TGIF1: variants seen among roughly 807,000 people sequenced by gnomAD.
TGIF1 encodes TGFB induced factor homeobox 1.
TGIF1 carries 4 observed loss-of-function variants against 19.3 expected under a neutral mutation model. That is an observed-to-expected ratio of 0.21 (90% CI 0.10 to 0.47). The LOEUF (loss-of-function observed/expected upper bound fraction) is 0.47, where lower values mean the gene tolerates loss of function less well. Ranked by LOEUF, TGIF1 falls within the 20% of genes least tolerant of loss-of-function variation. The pLI is 0.98. For synonymous variants in TGIF1, 122 were observed against 129.3 expected (o/e 0.94, Z 0.38); for missense variants, 275 against 341.4 (o/e 0.81, Z 1.53).
At chr18:3,416,377 G>C (rs1437799396) in intron 1 of TGIF1, among the ~76,000 whole-genome samples, 7 of 152,036 alleles carry the variant, frequency 4.6e-5, no homozygotes. Context: ...AAATCAGCAG[G>C]GTGTTATGGC....
At position 3,452,282 on chromosome 18, in the gene TGIF1, G is replaced by A; in HGVS notation, c.16+1777G>A. ...CCCTCTCCCCGGAGCTGGGGACCAA[G>A]GCTGGGCCCCGCCGGCCGCATCGGT... On this transcript the variant is annotated intron_variant, in intron 1 of 2. Transcript: ENST00000343820. 4.3e-6 allele frequency: 7 copies of A among 1,610,954 alleles called. No individual in the cohort carries two copies. The Admixed American group carries it at 1.2e-4, about 27-fold the overall frequency.
intron 2 of TGIF1, among the ~76,000 whole-genome samples, chr18:3,421,300 CTA>C (rs1237768566): frequency 6.8e-6 from 1 of 148,060 alleles, no homozygotes; most frequent in Non-Finnish European, 1.5e-5. Flanking sequence ...TCTTACTATA[CTA>C]TATATATACA....
chr18:3,449,734 C>T, upstream of TGIF1: 1 of 985,498 alleles, frequency 1.0e-6, no homozygotes, highest in Non-Finnish European at 1.2e-6. Flanking sequence ...GCGGCTAGAG[C>T]AGGGCCAGTA....
At chr18:3,450,627 G>A in intron 1 of TGIF1, 122 bp downstream of exon 1, 1 of 1,533,676 alleles carries the variant, frequency 6.5e-7, no homozygotes, top group South Asian at 1.2e-5. Context: ...TGCTGGAGTG[G>A]CGGCCGTGCT....
rs1221785461 is a variant in TGIF1, at chr18:3,457,963, C to T, written c.*23C>T. 6.3e-7 allele frequency: 1 copy of T among 1,593,660 alleles called. No individual in the cohort carries two copies. Among genetic ancestry groups the T allele is most frequent in the Non-Finnish European group, 8.5e-7 (1 of 1,174,476 alleles). ...TAACCCATTTTCAAGCAAAACAGTT[C>T]TCAGAAATGTCATGATTGCCGGGGT... is the stretch of plus-strand genomic sequence containing the variant. On this transcript the variant is annotated 3_prime_UTR_variant, in exon 3 of 3. Transcript: ENST00000343820. The surrounding 1 kb of genome is among the most constrained non-coding windows in gnomAD (Gnocchi z 4.9).
intron 2 of TGIF1, among the ~76,000 whole-genome samples, chr18:3,422,336 C>T (rs1369033573): frequency 7.2e-6 from 1 of 139,638 alleles, no homozygotes; most frequent in African/African-American, 2.6e-5. Flanking sequence ...ATAGAAAAAG[C>T]TTATAGAATA....
rs2049369449 is a variant in TGIF1, at chr18:3,456,747, A to AAACACTTGACACACTTG, written c.243+168_243+169insACACTTGACACACTTGA. 6 of 720,478 alleles carry AAACACTTGACACACTTG rather than the reference A, an allele frequency of 8.3e-6. No homozygotes were observed. The highest frequency in any genetic ancestry group is 1.5e-5 in the Non-Finnish European group (6 of 403,934). The allele number at this position is 720,478 out of a possible 1,614,324, so 44.6% of individuals were successfully genotyped here. On this transcript the variant is annotated intron_variant, in intron 2 of 2. Transcript: ENST00000343820. This position sits in a 1 kb window ranked among gnomAD's most constrained non-coding sequence, Gnocchi z 4.2. ...AAAGCTAATAACTAGCTATTTAGAG[A>AAACACTTGACACACTTG]ACACAGAAACACTTGACAGTCATCT...
chr18:3,416,356 T>C lies in TGIF1; in HGVS notation c.-117-1787T>C, dbSNP rs533094412. Among the ~76,000 whole-genome samples the C allele has an allele frequency of 2.6e-5, 4 of 152,050 alleles. No individual in the cohort carries two copies. In the South Asian group the frequency reaches 8.3e-4, roughly 32 times the overall value. ...CAACATGATGAAACTCCATCTCAGC[T>C]AAAAATACAAAAATCAGCAGGGTGT... On this transcript the variant is annotated intron_variant, in intron 1 of 3. Coordinates refer to the TGIF1 transcript ENST00000401449.
chr18:3,429,542 G>A (rs372799230), intron 2 of TGIF1, among the ~76,000 whole-genome samples: 3 of 152,020 alleles, frequency 2.0e-5, no homozygotes, highest in East Asian at 1.9e-4. Context: ...TCTCTCATCC[G>A]CTACCATGGG....
At chr18:3,419,016 C>T (rs370557506) in intron 2 of TGIF1, among the ~76,000 whole-genome samples, 15 of 152,256 alleles carry the variant, frequency 9.9e-5, no homozygotes, top group East Asian at 7.7e-4. Context: ...CGAGATCGTG[C>T]CATTACACTC....
intron 2 of TGIF1, among the ~76,000 whole-genome samples, chr18:3,439,799 T>G (rs768873506): frequency 6.6e-6 from 1 of 151,664 alleles, no homozygotes; most frequent in Non-Finnish European, 1.5e-5. Context: ...GGTGGGCGGA[T>G]AGATTGAGCC....
Position 3,422,193 on chromosome 18 carries a change from A to C in TGIF1, c.-45+3978A>C, listed in dbSNP as rs1305533767. On this transcript the variant is annotated intron_variant, in intron 2 of 3. Coordinates refer to the TGIF1 transcript ENST00000401449. ...TGGGCGACAGAGTGAGACACCGTAA[A>C]AAAAAAAAAAAAAAAGACAGTGATG... 2.7e-3 allele frequency among the ~76,000 whole-genome samples: 409 copies of C among 148,842 alleles called. 2 individuals carry two copies. Among genetic ancestry groups the C allele is most frequent in the African/African-American group, 9.8e-3 (396 of 40,482 alleles).
chr18:3,415,531 C>A, intron 1 of TGIF1: 1 of 423,424 alleles, frequency 2.4e-6, no homozygotes. Flanking sequence ...GCCAGCACCC[C>A]CTTTAGAGCC....
At chr18:3,441,174 A>G (rs1286525724) in intron 2 of TGIF1, among the ~76,000 whole-genome samples, 1 of 152,190 alleles carries the variant, frequency 6.6e-6, no homozygotes, top group Non-Finnish European at 1.5e-5. Flanking sequence ...TAAGCCCTTC[A>G]TGAATTAAGT....
chr18:3,422,714 A>C (rs1236224931), intron 2 of TGIF1, among the ~76,000 whole-genome samples: 1 of 119,262 alleles, frequency 8.4e-6, no homozygotes, highest in Non-Finnish European at 1.7e-5. Context: ...TTTTTGAGAC[A>C]GAGTCTGGCT....
At chr18:3,449,806 G>A (rs973037355), upstream of TGIF1, 5 of 985,196 alleles carry the variant, frequency 5.1e-6, no homozygotes, top group South Asian at 2.3e-4. Context: ...GTGGAGGAGG[G>A]AAGGAGGGAG....
chr18:3,429,957 C>A lies in TGIF1; in HGVS notation c.-45+11742C>A, dbSNP rs376091843. Among the ~76,000 whole-genome samples the A allele has an allele frequency of 1.2e-4, 18 of 152,294 alleles. No homozygotes were observed. In the East Asian group the frequency reaches 2.7e-3, roughly 23 times the overall value. On this transcript the variant is annotated intron_variant, in intron 2 of 3. Transcript: ENST00000401449. ...ATCACCTGCGGTCAGGAGTTGGAGA[C>A]CAGCCTAGCCAACATGGCAAAACCC...
At chr18:3,434,934 T>C (rs1387452478) in intron 2 of TGIF1, among the ~76,000 whole-genome samples, 2 of 152,192 alleles carry the variant, frequency 1.3e-5, no homozygotes, top group East Asian at 1.9e-4. Flanking sequence ...AGCTGACTTA[T>C]ACAGTCTTCA....
At chr18:3,412,825 AC>A (rs2082287736) in intron 1 of TGIF1, 4 of 152,076 alleles carry the variant, frequency 2.6e-5, no homozygotes, top group Non-Finnish European at 5.9e-5. Context: ...AGCCAGGGCA[AC>A]ACAGGGAGAC....
Sources: gnomAD v4.1 joint callset for allele counts (sites outside exome capture counted in the v4.1 genomes callset) on GRCh38, gnomAD v4.1.1 for gene constraint, Gnocchi (gnomAD v3.1) non-coding constraint, MANE v1.5 for transcripts, NCBI Gene and HGNC (gene_info 2026-07-23, HGNC 2026-07-21) for gene names.